The following GHR variants were observed in gnomAD, a reference collection of about 807,000 sequenced individuals.
GHR encodes GH receptor.
GHR carries 35 observed loss-of-function variants against 67.1 expected under a neutral mutation model. The ratio of observed to expected loss-of-function variants is 0.52; its 90% confidence interval spans 0.40 to 0.69. The LOEUF (loss-of-function observed/expected upper bound fraction) is 0.69, where lower values mean the gene tolerates loss of function less well. Among genes scored for constraint, GHR ranks in the 30% least tolerant of loss-of-function variants. GHR has a pLI of 0.00. For synonymous variants in GHR, 272 were observed against 269.1 expected (o/e 1.01, Z -0.10); for missense variants, 792 against 764.6 (o/e 1.04, Z -0.42).
chr5:42,716,536 A>C (rs553722752), intron 8 of GHR, among the ~76,000 whole-genome samples: 1 of 152,232 alleles, frequency 6.6e-6, no homozygotes, highest in African/African-American at 2.4e-5. Context: ...AATTTTATCT[A>C]CACAAACATG....
At chr5:42,593,237 A>G (rs1299921901) in intron 2 of GHR, among the ~76,000 whole-genome samples, 3 of 152,202 alleles carry the variant, frequency 2.0e-5, no homozygotes, top group Non-Finnish European at 4.4e-5. Context: ...ATAAATCTAT[A>G]TTGCATCTAA....
At chr5:42,637,479 T>A (rs1754257445) in intron 3 of GHR, among the ~76,000 whole-genome samples, 2 of 152,160 alleles carry the variant, frequency 1.3e-5, no homozygotes. Context: ...AGTAGTCCCC[T>A]GTGTCTACTG....
intron 8 of GHR, chr5:42,715,090 G>T (rs1318142230): frequency 5.5e-6 from 2 of 364,616 alleles, no homozygotes; most frequent in Admixed American, 7.0e-5. Flanking sequence ...TATAAATAAT[G>T]AAATGCTTAA....
chr5:42,566,003 C>T (rs1393900571), intron 2 of GHR, 59 bp downstream of exon 2: 6 of 1,586,276 alleles, frequency 3.8e-6, no homozygotes, highest in African/African-American at 1.3e-5. Flanking sequence ...GAACTGTATT[C>T]GCTACATCCA....
chr5:42,719,537 G>T lies in GHR; in HGVS notation c.*113G>T, dbSNP rs1005968216. On this transcript the variant is annotated 3_prime_UTR_variant, in exon 10 of 10. Transcript: ENST00000230882. The stretch of plus-strand genomic sequence containing the variant: ...TTTTTTGGGGGAGTGACAGGATGGG[G>T]TATGGATTCTAAAATGCCTTTTCCC... 8.1e-6 allele frequency: 8 copies of T among 989,438 alleles called. No homozygotes were observed. The highest frequency in any genetic ancestry group is 4.8e-5 in the East Asian group (2 of 42,022). The allele number at this position is 989,438 out of a possible 1,614,324, so 61.3% of individuals were successfully genotyped here. A position where few individuals can be genotyped will look rare whatever the true frequency, so the allele number is the denominator to read the frequency against.
At chr5:42,706,831 G>T (rs1201336869) in intron 6 of GHR, among the ~76,000 whole-genome samples, 3 of 151,704 alleles carry the variant, frequency 2.0e-5, no homozygotes, top group Non-Finnish European at 4.4e-5. Context: ...ATGCCCCTGG[G>T]TTTATTCTTT....
intron 3 of GHR, among the ~76,000 whole-genome samples, chr5:42,640,049 C>T (rs1754388160): frequency 6.6e-6 from 1 of 152,092 alleles, no homozygotes; most frequent in Non-Finnish European, 1.5e-5. Flanking sequence ...AGATAAGTAA[C>T]CTAACTGCCT....
intron 1 of GHR, among the ~76,000 whole-genome samples, chr5:42,518,697 G>A (rs1348294533): frequency 2.6e-5 from 4 of 152,124 alleles, no homozygotes; most frequent in African/African-American, 7.2e-5. Flanking sequence ...TGCCATGAGC[G>A]CACTCGGCCT....
At chr5:42,476,137 T>C (rs1411185101) in intron 1 of GHR, among the ~76,000 whole-genome samples, 1 of 151,894 alleles carries the variant, frequency 6.6e-6, no homozygotes, top group African/African-American at 2.4e-5. Context: ...TCTCCTGACC[T>C]CGTGATTTGC....
In GHR at chr5:42,565,732, A is replaced by G. The variant is rs1376626302; in HGVS notation, c.-11-132A>G. 15 of 1,566,924 alleles carry G rather than the reference A, an allele frequency of 9.6e-6. No individual in the cohort carries two copies. Among genetic ancestry groups the G allele is most frequent in the Non-Finnish European group, 1.2e-5 (14 of 1,156,996 alleles). On this transcript the variant is annotated intron_variant, in intron 1 of 9. Transcript: ENST00000230882. ...ACAATATGAGACTCTGGGGCAGTGA[A>G]AGACTTACCAGGATTCCTTCTGGAA... is the stretch of plus-strand genomic sequence containing the variant.
intron 1 of GHR, among the ~76,000 whole-genome samples, chr5:42,551,773 C>G (rs747609971): frequency 2.6e-5 from 4 of 152,112 alleles, no homozygotes; most frequent in Non-Finnish European, 5.9e-5. Context: ...AAGCACATGT[C>G]CTTTGGTTCT....
At chr5:42,534,257 CATGTGTAT>C (rs1165725891) in intron 1 of GHR, among the ~76,000 whole-genome samples, 2 of 84,960 alleles carry the variant, frequency 2.4e-5, no homozygotes, top group South Asian at 3.6e-4. Context: ...TATATATGTA[CATGTGTAT>C]ATGTGTATAT....
At chr5:42,700,989 A>G (rs1579638880) in intron 6 of GHR, among the ~76,000 whole-genome samples, 1 of 152,182 alleles carries the variant, frequency 6.6e-6, no homozygotes, top group South Asian at 2.1e-4. Flanking sequence ...AATCCAAGCT[A>G]CAATCAAACA....
intron 1 of GHR, among the ~76,000 whole-genome samples, chr5:42,547,878 C>A (rs898690415): frequency 6.6e-6 from 1 of 152,198 alleles, no homozygotes; most frequent in African/African-American, 2.4e-5. Context: ...GTGCTATCTT[C>A]TGGGCATTTG....
intron 1 of GHR, among the ~76,000 whole-genome samples, chr5:42,505,652 C>T (rs1176166398): frequency 1.3e-5 from 2 of 152,056 alleles, no homozygotes; most frequent in Admixed American, 6.5e-5. Flanking sequence ...TGTGAGATTT[C>T]GCTTATCCTG....
At chr5:42,438,515 C>T (rs1561303315) in intron 1 of GHR, among the ~76,000 whole-genome samples, 2 of 152,150 alleles carry the variant, frequency 1.3e-5, no homozygotes, top group Non-Finnish European at 2.9e-5. Flanking sequence ...CAAAGTGGCT[C>T]CTGTCTTGGT....
chr5:42,468,409 T>G (rs1036393881), intron 1 of GHR: 8 of 1,144,358 alleles, frequency 7.0e-6, no homozygotes, highest in African/African-American at 6.2e-5. Context: ...TTCAAAAGCT[T>G]CTTCTTGAGT....
At chr5:42,455,171 C>T (rs1744209072) in intron 1 of GHR, among the ~76,000 whole-genome samples, 1 of 152,116 alleles carries the variant, frequency 6.6e-6, no homozygotes, top group South Asian at 2.1e-4. Flanking sequence ...TCAGATTCCC[C>T]AGTGAGGATA....
At position 42,719,495 on chromosome 5, in the gene GHR, A is replaced by C; in HGVS notation, c.*71A>C. The C allele has an allele frequency of 6.8e-7, 1 of 1,468,266 alleles. No individual in the cohort carries two copies. Among genetic ancestry groups the C allele is most frequent in the Non-Finnish European group, 9.4e-7 (1 of 1,058,882 alleles). 91.0% of individuals were successfully genotyped at this position (1,468,266 alleles called of 1,614,324 possible). A position where few individuals can be genotyped will look rare whatever the true frequency, so the allele number is the denominator to read the frequency against. ...TGACTGGGGCAATAACGTTTAAGCC[A>C]AAACAATGTTTAAACCTTTTTTGGG... On this transcript the variant is annotated 3_prime_UTR_variant, in exon 10 of 10. Coordinates refer to ENST00000230882, the MANE Select transcript of GHR (RefSeq NM_000163.5).
Sources: gnomAD v4.1 joint callset for allele counts (sites outside exome capture counted in the v4.1 genomes callset) on GRCh38, gnomAD v4.1.1 for gene constraint, MANE v1.5 for transcripts, NCBI Gene and HGNC (gene_info 2026-07-23, HGNC 2026-07-21) for gene names.